MICAL3: variants seen among roughly 807,000 people sequenced by gnomAD.
The protein encoded by MICAL3 is [F-actin]-monooxygenase MICAL3.
A neutral mutation model predicts 207.4 loss-of-function variants in MICAL3; 62 were observed. The ratio of observed to expected loss-of-function variants is 0.30; its 90% CI spans 0.24 to 0.37. The LOEUF is 0.37. Among genes scored for constraint, MICAL3 ranks in the 10% least tolerant of loss-of-function variants. MICAL3 has a pLI of 1.00. For missense variants in MICAL3, 2,368 were observed against 2,635.6 expected (o/e 0.90, Z 2.22); for synonymous variants, 1,077 against 1,069.3 (o/e 1.01, Z -0.14).
At chr22:17,842,751 C>T (rs1467219775) in intron 19 of MICAL3, among the ~76,000 whole-genome samples, 1 of 152,220 alleles carries the variant, frequency 6.6e-6, no homozygotes, top group Non-Finnish European at 1.5e-5. Flanking sequence ...TCCTTTCACC[C>T]TGTGGTTTCA....
intron 1 of MICAL3, among the ~76,000 whole-genome samples, chr22:17,928,371 G>A (rs868206311): frequency 3.6e-4 from 55 of 151,942 alleles, no homozygotes; most frequent in African/African-American, 1.2e-3. Context: ...CCCGGGAGGC[G>A]GAGCTTGCAG....
rs1420002115 is a variant in MICAL3 at position 17,789,610 on chromosome 22, G to T, written c.*1122C>A. ...GAAAGCTGTGAGGAGGACCCACACA[G>T]GGGTTCTGGGCAGCTCCCTGATGCC... On this transcript the variant is annotated 3_prime_UTR_variant, in exon 32 of 32. Transcript: ENST00000441493. 1 of 152,370 alleles carries T rather than the reference G, an allele frequency of 6.6e-6. No homozygotes were observed. Among genetic ancestry groups the T allele is most frequent in the East Asian group, 1.9e-4 (1 of 5,174 alleles). The allele number at this position is 152,370 out of a possible 1,614,324, so 9.4% of individuals were successfully genotyped here. A position where few individuals can be genotyped will look rare whatever the true frequency, so the allele number is the denominator to read the frequency against.
chr22:17,906,495 G>A (rs1931729390), intron 2 of MICAL3, 54 bp downstream of exon 2: 1 of 1,611,830 alleles, frequency 6.2e-7, no homozygotes. Flanking sequence ...AGACGTTGTT[G>A]AGGGAGAAGG....
chr22:17,930,681 G>C (rs905778800), intron 1 of MICAL3, among the ~76,000 whole-genome samples: 2 of 152,368 alleles, frequency 1.3e-5, no homozygotes, highest in African/African-American at 4.8e-5. Context: ...CTGGACAGTG[G>C]TGCTGTGTCA....
At chr22:17,860,150 A>G (rs1926358285) in intron 19 of MICAL3, 1 of 966,620 alleles carries the variant, frequency 1.0e-6, no homozygotes, top group Admixed American at 6.2e-5. Context: ...AGAAAAACTC[A>G]GAAATCCGAA....
chr22:18,024,057 C>G (rs922603235), intron 1 of MICAL3, among the ~76,000 whole-genome samples: 1 of 152,138 alleles, frequency 6.6e-6, no homozygotes. Flanking sequence ...TGGTGGGTGT[C>G]GTGCGATGAT....
intron 1 of MICAL3, among the ~76,000 whole-genome samples, chr22:17,995,575 C>G (rs1019975308): frequency 6.8e-6 from 1 of 146,582 alleles, no homozygotes; most frequent in Non-Finnish European, 1.5e-5. Context: ...GTGCGATCTC[C>G]GCTCACTGCA....
chr22:17,952,607 C>T (rs1401417619), intron 1 of MICAL3, among the ~76,000 whole-genome samples: 4 of 152,230 alleles, frequency 2.6e-5, no homozygotes, highest in East Asian at 1.9e-4. Flanking sequence ...CAGCCAATCA[C>T]GCGCTATAAA....
rs377317346 is a variant in MICAL3, at chr22:17,902,742, G to A, written c.478C>T (p.Arg160Cys). ...CAGAIDHISIRQLQLILLKVA... is the reference protein window; with the variant it reads ...CAGAIDHISICQLQLILLKVA... ...TTCAAAAGTATTAGTTGGAGCTGAC[G>A]GATACCTGGGAGAATACAGAGATGA... Residue 160 changes from arginine to cysteine, a missense_variant, in exon 4 of 32, where the codon CGT (arginine) becomes TGT (cysteine). Physicochemically the swap from Arg to Cys is radical, Grantham distance 180. This residue lies in a region of MICAL3 where 400 missense variants were observed against 547.0 expected (regional missense o/e 0.73). Coordinates refer to ENST00000441493, the MANE Select transcript of MICAL3 (RefSeq NM_015241.3). This position sits in a 1 kb window ranked among gnomAD's most constrained non-coding sequence, Gnocchi z 4.5. The A allele has an allele frequency of 1.1e-4, 180 of 1,573,928 alleles. No individual in the cohort carries two copies. Among genetic ancestry groups the A allele is most frequent in the Non-Finnish European group, 1.5e-4 (175 of 1,151,934 alleles).
chr22:18,003,493 C>T (rs766092260), intron 1 of MICAL3, among the ~76,000 whole-genome samples: 2 of 152,182 alleles, frequency 1.3e-5, no homozygotes, highest in Non-Finnish European at 2.9e-5. Flanking sequence ...CCTAGAGCTG[C>T]GAAAGTGCTC....
At chr22:18,017,448 C>G (rs1429480320) in intron 1 of MICAL3, among the ~76,000 whole-genome samples, 1 of 152,046 alleles carries the variant, frequency 6.6e-6, no homozygotes, top group African/African-American at 2.4e-5. Context: ...AACTCATGAC[C>G]TTGTGATCCA....
chr22:17,942,835 A>G (rs1933875615), intron 1 of MICAL3, among the ~76,000 whole-genome samples: 1 of 152,236 alleles, frequency 6.6e-6, no homozygotes, highest in African/African-American at 2.4e-5. Context: ...GACTTGGGCC[A>G]GGCCTGCTCT....
chr22:17,890,207 T>G (rs73151052), intron 12 of MICAL3, among the ~76,000 whole-genome samples: 151 of 152,178 alleles, frequency 9.9e-4, no homozygotes, highest in Non-Finnish European at 1.7e-3. Context: ...CCACAGCATT[T>G]TCCATTTTCT....
intron 1 of MICAL3, among the ~76,000 whole-genome samples, chr22:18,022,920 C>T (rs560353915): frequency 2.6e-5 from 4 of 152,304 alleles, no homozygotes; most frequent in African/African-American, 9.6e-5. Context: ...GATCAGAACA[C>T]TTCATTTAGT....
At chr22:17,893,612 C>G (rs1455743354) in intron 11 of MICAL3, among the ~76,000 whole-genome samples, 196 bp downstream of exon 11, 3 of 152,186 alleles carry the variant, frequency 2.0e-5, no homozygotes, top group Non-Finnish European at 4.4e-5. Context: ...CTGCCCACCC[C>G]CAATCATGAC....
At chr22:17,855,967 G>A (rs1302886586) in intron 19 of MICAL3, among the ~76,000 whole-genome samples, 3 of 152,238 alleles carry the variant, frequency 2.0e-5, no homozygotes, top group East Asian at 1.9e-4. Flanking sequence ...TATTGGTTAC[G>A]TGGCCTTGGC....
chr22:17,894,072 T>A (rs1930614596), intron 10 of MICAL3, among the ~76,000 whole-genome samples, 168 bp from the exon 11 acceptor site: 1 of 152,038 alleles, frequency 6.6e-6, no homozygotes, highest in Non-Finnish European at 1.5e-5. Context: ...AAGGTGGGGT[T>A]TGAGAAAAAC....
chr22:17,848,401 C>T lies in MICAL3; in HGVS notation c.2606-6384G>A, dbSNP rs534185210. ...GACACCACGTGAAGTGTGGCTGTTC[C>T]GAAACATTCGGAACCATGTCTGGCC... On this transcript the variant is annotated intron_variant, in intron 19 of 31. Transcript: ENST00000441493. Among the ~76,000 whole-genome samples, 8 of 152,278 alleles carry T rather than the reference C, an allele frequency of 5.3e-5. No individual in the cohort carries two copies. In the East Asian group the frequency reaches 1.3e-3, roughly 26 times the overall value.
chr22:17,839,238 C>T (rs1040623765), intron 20 of MICAL3, among the ~76,000 whole-genome samples: 27 of 149,658 alleles, frequency 1.8e-4, no homozygotes, highest in African/African-American at 5.2e-4. Flanking sequence ...CATGAGCTAC[C>T]GCACCAGGCC....
Sources: gnomAD v4.1 joint callset for allele counts (sites outside exome capture counted in the v4.1 genomes callset) on GRCh38, gnomAD v4.1.1 for gene constraint, gnomAD v4.1.1 regional missense constraint, Gnocchi (gnomAD v3.1) non-coding constraint, MANE v1.5 for transcripts, NCBI Gene and HGNC (gene_info 2026-07-23, HGNC 2026-07-21) for gene names.